TNK1: variants seen among roughly 807,000 people sequenced by gnomAD.
The protein encoded by TNK1 is tyrosine kinase non receptor 1.
In TNK1, 53 loss-of-function variants were observed where a neutral mutation model predicts 65.2. The ratio of observed to expected loss-of-function variants is 0.81; its 90% CI spans 0.65 to 1.02. The LOEUF (loss-of-function observed/expected upper bound fraction) is 1.02. Among genes scored for constraint, TNK1 ranks in the 50% least tolerant of loss-of-function variants. The pLI is 0.00. For missense variants in TNK1, 837 were observed against 878.4 expected (o/e 0.95, Z 0.60); for synonymous variants, 353 against 364.6 (o/e 0.97, Z 0.36).
At chr17:7,380,950 G>C (rs1268882674), upstream of TNK1, 2 of 152,250 alleles carry the variant, frequency 1.3e-5, no homozygotes, top group Non-Finnish European at 2.9e-5. Flanking sequence ...AGTCGCCCTG[G>C]GGACCGTCAC....
At position 7,383,440 on chromosome 17, in the gene TNK1, G is replaced by A. The variant is rs1181190669; in HGVS notation, c.250G>A (p.Ala84Thr). 6.2e-7 allele frequency: 1 copy of A among 1,613,926 alleles called. No homozygotes were observed. Among genetic ancestry groups the A allele is most frequent in the Non-Finnish European group, 8.5e-7 (1 of 1,179,874 alleles). ...CCTGTTTCAGATCCTTGGAGGTTTT[G>A]CCCCTGAGCACAAGGAGCCCACCCT... ...NWVYKILGGF[A>T]PEHKEPTLPS... Residue 84 changes from alanine to threonine, a missense_variant, in exon 4 of 13, where the codon GCC (alanine) becomes ACC (threonine). Transcript: ENST00000688331.
rs199666679 is a variant in TNK1, at chr17:7,387,381, C to T, written c.1401C>T (p.Asp467=). The T allele has an allele frequency of 5.2e-5, 83 of 1,604,388 alleles. No homozygotes were observed. The African/African-American group carries it at 8.1e-4, about 16-fold the overall frequency. Reference sequence around the variant, plus strand: ...GAACTGGATCCCTCTCCGACAGAGACAGAAAGAAGGCAAATCTTTGGGATG... The same window carrying T: ...GAACTGGATCCCTCTCCGACAGAGATAGAAAGAAGGCAAATCTTTGGGATG... The part of the protein sequence containing the change: ...GDQHPGSIDG[D]RKKANLWDAP... Residue 467 remains aspartate, a synonymous_variant, in exon 10 of 13, where the codon GAC becomes GAT. Transcript: ENST00000688331.
In TNK1 at chr17:7,383,772, GA is replaced by G; in HGVS notation, c.491del (p.Asp164AlafsTer9). 1 of 1,612,878 alleles carries G rather than the reference GA, an allele frequency of 6.2e-7. No individual in the cohort carries two copies. Among genetic ancestry groups the G allele is most frequent in the East Asian group, 2.2e-5 (1 of 44,842 alleles). On this transcript the variant is annotated frameshift_variant, in exon 5 of 13. Transcript: ENST00000688331. LOFTEE classifies it high-confidence loss of function. ...PEGPMGTELG[D>X]FLREVSVMMN... ...AGGCCCGATGGGCACAGAACTGGGG[GA>G]CTTCCTGCGAGAGGTATCGGTCATG... is the stretch of plus-strand genomic sequence containing the variant.
chr17:7,387,479 GTC>G (rs763073279), intron 10 of TNK1, 22 bp downstream of exon 10: 65 of 1,568,522 alleles, frequency 4.1e-5, no homozygotes, highest in Non-Finnish European at 5.4e-5. Flanking sequence ...GGACTCCAGA[GTC>G]TCTGAGGAGA....
In TNK1 at chr17:7,388,491, C is replaced by G. The variant is rs559845943; in HGVS notation, c.1563C>G (p.Ala521=). 4 of 1,613,988 alleles carry G rather than the reference C, an allele frequency of 2.5e-6. No homozygotes were observed. Among genetic ancestry groups the G allele is most frequent in the Admixed American group, 3.3e-5 (2 of 60,016 alleles). ...GGSSPPEIRQ[A]RAVPQGPPGL... is the part of the protein sequence containing the mutation. Reference sequence around the variant, plus strand: ...CAAGCCCCCCTGAAATTCGACAAGCCAGAGCTGTGCCCCAGGGACCTCCAG... The same window carrying G: ...CAAGCCCCCCTGAAATTCGACAAGCGAGAGCTGTGCCCCAGGGACCTCCAG... Residue 521 remains alanine, a synonymous_variant, in exon 11 of 13, where the codon GCC becomes GCG. Coordinates refer to ENST00000688331, the MANE Select transcript of TNK1 (RefSeq NM_003985.6). This position sits in a 1 kb window ranked among gnomAD's most constrained non-coding sequence, Gnocchi z 4.5.
chr17:7,382,375 C>T lies in TNK1; in HGVS notation c.-91-461C>T, dbSNP rs1241902914. Among the ~76,000 whole-genome samples the T allele has an allele frequency of 6.6e-6, 1 of 151,926 alleles. No homozygotes were observed. Among genetic ancestry groups the T allele is most frequent in the Non-Finnish European group, 1.5e-5 (1 of 67,990 alleles). On this transcript the variant is annotated intron_variant, in intron 1 of 12. Transcript: ENST00000688331. This position sits in a 1 kb window ranked among gnomAD's most constrained non-coding sequence, Gnocchi z 4.1. ...CAGCATGTGGGAGGCAGTGTACCTT[C>T]GTGTGTGTGCGTGCTCTACCTACAT...
rs1310540421 is a variant in TNK1 at position 7,382,754 on chromosome 17, T to C, written c.-91-82T>C. 1 of 678,688 alleles carries C rather than the reference T, an allele frequency of 1.5e-6. No individual in the cohort carries two copies. Among genetic ancestry groups the C allele is most frequent in the African/African-American group, 1.8e-5 (1 of 55,378 alleles). The allele number at this position is 678,688 out of a possible 1,614,324, so 42.0% of individuals were successfully genotyped here. A position where few individuals can be genotyped will look rare whatever the true frequency, so the allele number is the denominator to read the frequency against. ...GGCACGGGGAACATTCTATCTGGGA[T>C]TTGTGTGCGTGAGTGGCAGGGATCC... On this transcript the variant is annotated intron_variant, in intron 1 of 12. Coordinates refer to ENST00000688331, the MANE Select transcript of TNK1 (RefSeq NM_003985.6). This position sits in a 1 kb window ranked among gnomAD's most constrained non-coding sequence, Gnocchi z 4.1.
intron 10 of TNK1, among the ~76,000 whole-genome samples, chr17:7,387,992 C>G (rs547556401): frequency 6.6e-6 from 1 of 152,328 alleles, no homozygotes; most frequent in African/African-American, 2.4e-5. Context: ...GCTCTGAGTT[C>G]TCTGGGCCCT....
rs1474437870 is a variant in TNK1, at chr17:7,382,908, A to G, written c.-19A>G. 3.7e-6 allele frequency: 6 copies of G among 1,613,084 alleles called. No individual in the cohort carries two copies. Among genetic ancestry groups the G allele is most frequent in the African/African-American group, 1.3e-5 (1 of 74,918 alleles). ...TCTGAAGGAGAGTGCCATCATCCTT[A>G]GGAACTCCTTCTCCAGACATGCTTC... On this transcript the variant is annotated 5_prime_UTR_variant, in exon 2 of 13. Transcript: ENST00000688331. This position sits in a 1 kb window ranked among gnomAD's most constrained non-coding sequence, Gnocchi z 4.1.
Position 7,389,352 on chromosome 17 carries a change from CAA to C in TNK1, c.*269_*270del. On this transcript the variant is annotated 3_prime_UTR_variant, in exon 13 of 13. Coordinates refer to ENST00000688331, the MANE Select transcript of TNK1 (RefSeq NM_003985.6). ...CTAGTCTGCCCACTACATTCTCAAA[CAA>C]GAGGACTTGGAAGAAAAGAGCTGCT... 1.9e-6 allele frequency: 1 copy of C among 536,220 alleles called. No homozygotes were observed. Among genetic ancestry groups the C allele is most frequent in the Admixed American group, 3.3e-5 (1 of 30,654 alleles). The allele number at this position is 536,220 out of a possible 1,614,324, so 33.2% of individuals were successfully genotyped here.
rs1904887840 is a variant in TNK1, at chr17:7,382,725, C to CT, written c.-91-111_-91-110insT. 3.0e-5 allele frequency: 14 copies of CT among 462,988 alleles called. No homozygotes were observed. Among genetic ancestry groups the CT allele is most frequent in the South Asian group, 1.8e-4 (8 of 43,980 alleles). 28.7% of individuals were successfully genotyped at this position (462,988 alleles called of 1,614,324 possible). Reference sequence around the variant, plus strand: ...GGTGAAGGGACAGAGTACCCGGATGCCTGGGCACGGGGAACATTCTATCTG... The same window carrying CT: ...GGTGAAGGGACAGAGTACCCGGATGCTCTGGGCACGGGGAACATTCTATCTG... On this transcript the variant is annotated intron_variant, in intron 1 of 12. Transcript: ENST00000688331. The surrounding 1 kb of genome is among the most constrained non-coding windows in gnomAD (Gnocchi z 4.1).
Position 7,383,259 on chromosome 17 carries a change from G to A in TNK1, c.173G>A (p.Arg58Lys), listed in dbSNP as rs760013288. Residue 58 changes from arginine (R) to lysine (K), a missense_variant, in exon 3 of 13, where the codon AGA becomes AAA. Transcript: ENST00000688331. ...TTCTGGCCTCCCACAGCCCAGCGCA[G>A]ACTGTCCGAAGCTCTGAAAAGGCTA... Reference protein sequence around the residue: ...GIGMGRPAQRRLSEALKRLRS... With the variant: ...GIGMGRPAQRKLSEALKRLRS... 7.4e-6 allele frequency: 12 copies of A among 1,613,918 alleles called. 1 individual carries two copies. The East Asian group carries it at 2.4e-4, about 33-fold the overall frequency.
In TNK1 at chr17:7,384,122, C is replaced by CA. The variant is rs770671268; in HGVS notation, c.735_736insA (p.Leu246ThrfsTer18). 7 of 1,548,170 alleles carry CA rather than the reference C, an allele frequency of 4.5e-6. No individual in the cohort carries two copies. The highest frequency in any genetic ancestry group is 1.4e-5 in the African/African-American group (1 of 73,248). On this transcript the variant is annotated frameshift_variant, in exon 6 of 13. Transcript: ENST00000688331. LOFTEE classifies it high-confidence loss of function. ...GGGCCCGCGGGCTGGTGCACCGAGA[C>CA]CTCGCTACGCGCAACCTACTGCTGG...
rs751372794 is a variant in TNK1 at position 7,388,469 on chromosome 17, GC to G, written c.1547del (p.Pro516LeufsTer80). 3.8e-5 allele frequency: 62 copies of G among 1,613,854 alleles called. No individual in the cohort carries two copies. Among genetic ancestry groups the G allele is most frequent in the Non-Finnish European group, 4.9e-5 (58 of 1,179,854 alleles). ...CCTCGTCCCACAGGGGGTGGTTCAAGCCCCCCTGAAATTCGACAAGCCAGAG... is the reference window on the plus strand; with the variant it reads ...CCTCGTCCCACAGGGGGTGGTTCAAGCCCCCTGAAATTCGACAAGCCAGAG... ...LGPRPTGGGS[S>X]PPEIRQARAV... is the part of the protein sequence containing the mutation. On this transcript the variant is annotated frameshift_variant, in exon 11 of 13. Transcript: ENST00000688331. LOFTEE classifies it high-confidence loss of function. The surrounding 1 kb of genome is among the most constrained non-coding windows in gnomAD (Gnocchi z 4.5).
chr17:7,388,373 C>T lies in TNK1; in HGVS notation c.1478-33C>T, dbSNP rs147797864. On this transcript the variant is annotated intron_variant, in intron 10 of 12. Coordinates refer to ENST00000688331, the MANE Select transcript of TNK1 (RefSeq NM_003985.6). The surrounding 1 kb of genome is among the most constrained non-coding windows in gnomAD (Gnocchi z 4.5). ...CCGGGAGGCGGAGGCTGCAGCCAGCCGAGTTCAAGTTGTTTCCTTCTCAAC... is the reference window on the plus strand; with the variant it reads ...CCGGGAGGCGGAGGCTGCAGCCAGCTGAGTTCAAGTTGTTTCCTTCTCAAC... The T allele has an allele frequency of 1.6e-4, 243 of 1,555,456 alleles. No individual in the cohort carries two copies. The African/African-American group carries it at 2.8e-3, about 18-fold the overall frequency.
chr17:7,387,592 C>A, intron 10 of TNK1, 135 bp downstream of exon 10: 3 of 644,084 alleles, frequency 4.7e-6, no homozygotes, highest in Non-Finnish European at 7.3e-6. Context: ...CCTAGCTATA[C>A]TGTGCAATCT....
chr17:7,381,350 TTC>T (rs1411607248), intron 1 of TNK1, among the ~76,000 whole-genome samples: 1 of 152,156 alleles, frequency 6.6e-6, no homozygotes. Context: ...TCGCGCCCGG[TTC>T]TGAGTCCACC....
chr17:7,384,266 C>A lies in TNK1; in HGVS notation c.866+13C>A. On this transcript the variant is annotated intron_variant, in intron 6 of 12. Transcript: ENST00000688331. ...TCCCCTACGCCTGGTGAGAGCGGGT[C>A]CGCGGGCGGTCGGGCTCTGAGCCGG... 6.9e-7 allele frequency: 1 copy of A among 1,447,282 alleles called. No homozygotes were observed. The highest frequency in any genetic ancestry group is 1.4e-5 in the South Asian group (1 of 69,640). The allele number at this position is 1,447,282 out of a possible 1,614,324, so 89.7% of individuals were successfully genotyped here.
rs779105184 is a variant in TNK1, at chr17:7,383,597, C to T, written c.407C>T (p.Thr136Met). 54 of 1,603,632 alleles carry T rather than the reference C, an allele frequency of 3.4e-5. No individual in the cohort carries two copies. Among genetic ancestry groups the T allele is most frequent in the Middle Eastern group, 3.3e-4 (2 of 6,044 alleles). ...GGTGTGGTGCACCGAGGGCTGTGGACGCTGCCCAGTGGCAAGAGTGTGAGT... is the reference window on the plus strand; with the variant it reads ...GGTGTGGTGCACCGAGGGCTGTGGATGCTGCCCAGTGGCAAGAGTGTGAGT... ...CFGVVHRGLW[T>M]LPSGKSVPVA... is the part of the protein sequence containing the mutation. Residue 136 changes from threonine (T) to methionine (M), a missense_variant, in exon 4 of 13, where the codon ACG (threonine) becomes ATG (methionine). Physicochemically the swap from Thr to Met is moderately conservative, Grantham distance 81. Transcript: ENST00000688331.
Sources: gnomAD v4.1 joint callset for allele counts (sites outside exome capture counted in the v4.1 genomes callset) on GRCh38, gnomAD v4.1.1 for gene constraint, Gnocchi (gnomAD v3.1) non-coding constraint, MANE v1.5 for transcripts, NCBI Gene and HGNC (gene_info 2026-07-23, HGNC 2026-07-21) for gene names.